The following CLNK variants were observed in gnomAD, a reference collection of about 807,000 sequenced individuals.
CLNK encodes the protein cytokine dependent hematopoietic cell linker, also known as cytokine-dependent hematopoietic cell linker.
CLNK carries 74 observed loss-of-function variants against 68.6 expected under a neutral mutation model. The observed-to-expected ratio is 1.08, with a 90% CI of 0.89 to 1.31. The LOEUF (loss-of-function observed/expected upper bound fraction) is 1.31. Among genes scored for constraint, CLNK ranks in the 50% most tolerant of loss-of-function variants. The pLI is 0.00. For missense variants in CLNK, 553 were observed against 515.3 expected (o/e 1.07, Z -0.71); for synonymous variants, 198 against 172.2 (o/e 1.15, Z -1.17).
chr4:10,503,772 CTTTTTTTTTTTTTTTTT>C (rs869102696), intron 17 of CLNK, among the ~76,000 whole-genome samples: 1 of 63,288 alleles, frequency 1.6e-5, no homozygotes, highest in Non-Finnish European at 2.8e-5. Flanking sequence ...CATTTAGAGA[CTTTTTTTTTTTTTTTTT>C]TTTTTTTTTT....
At chr4:10,697,740 T>C in the CLNK span, 1 of 152,196 alleles carries the variant, frequency 6.6e-6, no homozygotes, top group African/African-American at 2.4e-5. Flanking sequence ...GCCTACTGGT[T>C]CCCAAACCTA....
intron 16 of CLNK, 96 bp downstream of exon 16, chr4:10,513,368 C>T (rs577482198): frequency 1.7e-4 from 202 of 1,194,178 alleles, no homozygotes; most frequent in Non-Finnish European, 2.1e-4. Flanking sequence ...AAGTTAAAGT[C>T]AAACATAAAT....
chr4:10,641,656 G>T (rs978131753), intron 2 of CLNK, among the ~76,000 whole-genome samples: 1 of 152,154 alleles, frequency 6.6e-6, no homozygotes. Flanking sequence ...ACACATAAAT[G>T]ACAAAAATGC....
At chr4:10,683,546 A>T (rs987482355) in intron 1 of CLNK, among the ~76,000 whole-genome samples, 3 of 152,232 alleles carry the variant, frequency 2.0e-5, no homozygotes, top group African/African-American at 7.2e-5. Flanking sequence ...TTAGTGACTG[A>T]ACAACCTTGC....
rs1175066059 is a variant in CLNK at position 10,489,451 on chromosome 4, G to A, written c.*1016C>T. 1.3e-5 allele frequency: 2 copies of A among 152,046 alleles called. No individual in the cohort carries two copies. Among genetic ancestry groups the A allele is most frequent in the African/African-American group, 4.8e-5 (2 of 41,384 alleles). 9.4% of individuals were successfully genotyped at this position (152,046 alleles called of 1,614,324 possible). A position where few individuals can be genotyped will look rare whatever the true frequency, so the allele number is the denominator to read the frequency against. The stretch of plus-strand genomic sequence containing the variant: ...TAGTGTAGGATATAATCTGAGCTCT[G>A]TACTATGAATGTGTTAATTCCATTT... On this transcript the variant is annotated 3_prime_UTR_variant, in exon 19 of 19. Coordinates refer to ENST00000226951, the MANE Select transcript of CLNK (RefSeq NM_052964.4).
At chr4:10,725,219 C>T in the CLNK span, among the ~76,000 whole-genome samples, 3 of 151,906 alleles carry the variant, frequency 2.0e-5, no homozygotes, top group African/African-American at 4.8e-5. Flanking sequence ...AAAGGTCACT[C>T]GATTTAATGC....
intron 1 of CLNK, among the ~76,000 whole-genome samples, chr4:10,683,018 C>T (rs1019865838): frequency 6.6e-6 from 1 of 152,246 alleles, no homozygotes; most frequent in African/African-American, 2.4e-5. Flanking sequence ...TCAACACTTA[C>T]TGAATACTTG....
intron 1 of CLNK, among the ~76,000 whole-genome samples, chr4:10,674,624 A>G (rs1179158678): frequency 6.6e-6 from 1 of 152,166 alleles, no homozygotes; most frequent in Non-Finnish European, 1.5e-5. Flanking sequence ...TCCTCCAGGT[A>G]TAAAGGGGAC....
intron 1 of CLNK, among the ~76,000 whole-genome samples, chr4:10,677,348 G>A (rs1197164534): frequency 1.3e-5 from 2 of 152,050 alleles, no homozygotes; most frequent in African/African-American, 4.8e-5. Context: ...ATTTTCTGAG[G>A]AGCTGTTTTA....
At chr4:10,579,483 C>T (rs1249442182) in intron 4 of CLNK, among the ~76,000 whole-genome samples, 2 of 152,152 alleles carry the variant, frequency 1.3e-5, no homozygotes, top group African/African-American at 4.8e-5. Context: ...TGATGGATCA[C>T]ATATATGACC....
At chr4:10,609,535 G>A (rs1386957472) in intron 2 of CLNK, among the ~76,000 whole-genome samples, 1 of 152,198 alleles carries the variant, frequency 6.6e-6, no homozygotes, top group East Asian at 1.9e-4. Flanking sequence ...TGGATTTCCT[G>A]ACATTAGGGA....
chr4:10,498,746 A>G (rs185481631), intron 18 of CLNK, among the ~76,000 whole-genome samples: 36 of 152,328 alleles, frequency 2.4e-4, no homozygotes, highest in African/African-American at 7.2e-4. Flanking sequence ...TAACTTGCCA[A>G]TCCTCTCCAC....
At chr4:10,673,863 A>C (rs758825100) in intron 1 of CLNK, among the ~76,000 whole-genome samples, 10 of 152,186 alleles carry the variant, frequency 6.6e-5, no homozygotes, top group Non-Finnish European at 1.3e-4. Context: ...AAGAGTATGC[A>C]ACATCTTCTT....
intron 8 of CLNK, among the ~76,000 whole-genome samples, chr4:10,544,048 CCT>C (rs1367546101): frequency 2.0e-5 from 3 of 152,178 alleles, no homozygotes; most frequent in African/African-American, 7.2e-5. Context: ...ATTGGCTTCA[CCT>C]CCAGAGCTCC....
At chr4:10,538,054 A>G (rs972450495) in intron 11 of CLNK, among the ~76,000 whole-genome samples, 1 of 152,100 alleles carries the variant, frequency 6.6e-6, no homozygotes, top group Non-Finnish European at 1.5e-5. Flanking sequence ...GGAAACAGAA[A>G]GAAGATAAAA....
At chr4:10,512,247 T>C (rs957876038) in intron 16 of CLNK, among the ~76,000 whole-genome samples, 4 of 151,996 alleles carry the variant, frequency 2.6e-5, no homozygotes, top group African/African-American at 7.3e-5. Flanking sequence ...TTTTTTTTTT[T>C]TGTGATGAAG....
At chr4:10,692,002 C>G in the CLNK span, 1 of 151,934 alleles carries the variant, frequency 6.6e-6, no homozygotes, top group African/African-American at 2.4e-5. Context: ...GACTTTTCAA[C>G]TTTCTCATTC....
In CLNK at chr4:10,566,158, G is replaced by C. The variant is rs1232143356; in HGVS notation, c.151-8C>G. 1.9e-6 allele frequency: 3 copies of C among 1,613,186 alleles called. No individual in the cohort carries two copies. The South Asian group carries it at 3.3e-5, about 18-fold the overall frequency. ...TGCAGCAAAGTTTCTTTCCTAAGCA[G>C]GTGGTAACATTCCAGTGAGTCAAAG... is the stretch of plus-strand genomic sequence containing the variant. On this transcript the variant is annotated splice_polypyrimidine_tract_variant and splice_region_variant and intron_variant, in intron 5 of 18. Coordinates refer to ENST00000226951, the MANE Select transcript of CLNK (RefSeq NM_052964.4).
the CLNK span, among the ~76,000 whole-genome samples, chr4:10,724,311 A>T: frequency 6.6e-6 from 1 of 151,770 alleles, no homozygotes; most frequent in Non-Finnish European, 1.5e-5. Flanking sequence ...TGTTGCTCAC[A>T]TGTCCCGCTC....
Sources: allele counts gnomAD v4.1 joint callset (sites outside exome capture counted in the v4.1 genomes callset), GRCh38; gene constraint gnomAD v4.1.1; transcripts MANE v1.5; gene names NCBI Gene and HGNC (gene_info 2026-07-23, HGNC 2026-07-21).